C5: variants seen among roughly 807,000 people sequenced by gnomAD.
C5 encodes C3 and PZP-like alpha-2-macroglobulin domain-containing protein 4.
Under a neutral mutation model 218.8 loss-of-function variants are expected in C5, and 140 were observed. The ratio of observed to expected loss-of-function variants is 0.64; its 90% CI spans 0.56 to 0.74. The LOEUF (loss-of-function observed/expected upper bound fraction) is 0.74. Ranked by LOEUF, C5 falls within the 30% of genes least tolerant of loss-of-function variation. C5 has a pLI of 0.00. For synonymous variants in C5, 614 were observed against 682.3 expected (o/e 0.90, Z 1.56); for missense variants, 1,700 against 1,969.6 (o/e 0.86, Z 2.59).
At chr9:121,015,296 TA>T (rs1472667122) in intron 15 of C5, 35 bp from the exon 16 acceptor site, 1 of 1,406,828 alleles carries the variant, frequency 7.1e-7, no homozygotes, top group Non-Finnish European at 1.0e-6. Flanking sequence ...GAAGAAGGAT[TA>T]AAAAGGAGAT....
chr9:121,042,690 A>G (rs2047591359), intron 3 of C5, among the ~76,000 whole-genome samples: 1 of 152,238 alleles, frequency 6.6e-6, no homozygotes, highest in African/African-American at 2.4e-5. Context: ...TTTTTGTAAC[A>G]ACATAACATT....
At chr9:121,031,221 A>T (rs2047471417) in intron 6 of C5, among the ~76,000 whole-genome samples, 1 of 150,966 alleles carries the variant, frequency 6.6e-6, no homozygotes, top group South Asian at 2.1e-4. Flanking sequence ...AAATGCTAGT[A>T]AACTACTATA....
intron 22 of C5, among the ~76,000 whole-genome samples, chr9:120,994,343 G>A (rs541463168): frequency 6.6e-6 from 1 of 152,226 alleles, no homozygotes; most frequent in East Asian, 1.9e-4. Flanking sequence ...AGCATTTTGG[G>A]AGTCCAAGGC....
chr9:121,015,291 A>C, intron 15 of C5, 30 bp from the exon 16 acceptor site: 4 of 1,414,362 alleles, frequency 2.8e-6, no homozygotes, highest in Admixed American at 3.4e-5. Flanking sequence ...ATAAAGAAGA[A>C]GGATTAAAAA....
chr9:120,956,209 A>G (rs2046783560), intron 39 of C5, among the ~76,000 whole-genome samples: 1 of 152,050 alleles, frequency 6.6e-6, no homozygotes, highest in Admixed American at 6.6e-5. Flanking sequence ...CAGGAGAATC[A>G]CTTGAACCTG....
Position 121,026,218 on chromosome 9 carries a change from C to T in C5, c.874-638G>A, listed in dbSNP as rs530677411. On this transcript the variant is annotated intron_variant, in intron 8 of 40. Coordinates refer to ENST00000223642, the MANE Select transcript of C5 (RefSeq NM_001735.3). ...AGGATAAATGATTGATGATGCAAAC[C>T]AAATGAATACGAAAAAGTGAGCAAA... Among the ~76,000 whole-genome samples the T allele has an allele frequency of 2.6e-5, 4 of 152,102 alleles. No individual in the cohort carries two copies. The East Asian group carries it at 7.7e-4, about 29-fold the overall frequency.
chr9:120,979,947 C>T (rs1022774075), intron 28 of C5, 136 bp downstream of exon 28: 1 of 730,690 alleles, frequency 1.4e-6, no homozygotes, highest in East Asian at 2.6e-5. Flanking sequence ...CACATTACAT[C>T]GTATTGTGAC....
At chr9:121,050,082 G>T in intron 1 of C5, 100 bp downstream of exon 1, 1 of 961,914 alleles carries the variant, frequency 1.0e-6, no homozygotes, top group Non-Finnish European at 1.7e-6. Flanking sequence ...GTTCTCAGAA[G>T]TAGCAAGTTA....
At chr9:121,074,083 T>C in the C5 span, among the ~76,000 whole-genome samples, 7 of 152,224 alleles carry the variant, frequency 4.6e-5, no homozygotes, top group African/African-American at 1.7e-4. Flanking sequence ...GCTGCTAAGA[T>C]GATAGGATTA....
the C5 span, among the ~76,000 whole-genome samples, chr9:121,073,048 G>A: frequency 6.6e-6 from 1 of 152,096 alleles, no homozygotes; most frequent in Non-Finnish European, 1.5e-5. Flanking sequence ...CATGTTTATT[G>A]CAGCTTATTC....
chr9:121,012,436 C>T (rs562755072), intron 17 of C5, among the ~76,000 whole-genome samples: 1 of 152,228 alleles, frequency 6.6e-6, no homozygotes, highest in Admixed American at 6.5e-5. Flanking sequence ...ATTGCTTGAA[C>T]CCGGGAGGCG....
intron 22 of C5, among the ~76,000 whole-genome samples, chr9:120,992,128 G>T (rs1483612496): frequency 6.6e-6 from 1 of 152,170 alleles, no homozygotes; most frequent in African/African-American, 2.4e-5. Flanking sequence ...TGTAGTCCTG[G>T]CACTTAGCAC....
chr9:120,976,671 G>T, intron 29 of C5, 29 bp downstream of exon 29: 1 of 1,567,870 alleles, frequency 6.4e-7, no homozygotes, highest in South Asian at 1.1e-5. Flanking sequence ...ATGTCTACAG[G>T]GAGATGAAAC....
chr9:120,977,773 T>C (rs2046964271), intron 28 of C5, among the ~76,000 whole-genome samples: 1 of 152,228 alleles, frequency 6.6e-6, no homozygotes, highest in East Asian at 1.9e-4. Context: ...AGGGGCAGTT[T>C]AGTAGAGTCG....
chr9:121,002,021 C>T (rs1297377535), intron 20 of C5, among the ~76,000 whole-genome samples: 6 of 151,226 alleles, frequency 4.0e-5, no homozygotes, highest in African/African-American at 1.5e-4. Context: ...ATGTGAATTA[C>T]TGTGCAGCCA....
Position 121,025,503 on chromosome 9 carries a change from A to G in C5, c.951T>C (p.Asp317=), listed in dbSNP as rs1227310258. ...VKELSYYSLE[D]LNNKYLYIAV... is the part of the protein sequence containing the mutation. ...CAATATAAAGGTACTTGTTGTTTAA[A>G]TCTTCTAAACTGTAGTATGACAGTT... is the stretch of plus-strand genomic sequence containing the variant. Residue 317 remains aspartate, a synonymous_variant, in exon 9 of 41, where the codon GAT becomes GAC. Coordinates refer to ENST00000223642, the MANE Select transcript of C5 (RefSeq NM_001735.3). 1.2e-6 allele frequency: 2 copies of G among 1,612,556 alleles called. No individual in the cohort carries two copies. Among genetic ancestry groups the G allele is most frequent in the African/African-American group, 1.3e-5 (1 of 74,796 alleles).
intron 2 of C5, among the ~76,000 whole-genome samples, chr9:121,044,491 A>AACG (rs2047609053): frequency 6.6e-6 from 1 of 152,144 alleles, no homozygotes; most frequent in East Asian, 1.9e-4. Flanking sequence ...CAACAACAAC[A>AACG]ACAACAAAAA....
chr9:120,998,072 G>A (rs1168015040), intron 20 of C5, among the ~76,000 whole-genome samples: 2 of 152,068 alleles, frequency 1.3e-5, no homozygotes, highest in African/African-American at 4.8e-5. Context: ...CAAAGTACTG[G>A]AATTACAGGC....
chr9:121,023,257 G>A (rs948400916), intron 10 of C5, 147 bp downstream of exon 10: 46 of 711,540 alleles, frequency 6.5e-5, no homozygotes, highest in Non-Finnish European at 8.3e-5. Context: ...ATCCCTGTCT[G>A]TGTCCACCAG....
Sources: allele counts gnomAD v4.1 joint callset (sites outside exome capture counted in the v4.1 genomes callset), GRCh38; gene constraint gnomAD v4.1.1; transcripts MANE v1.5; gene names NCBI Gene and HGNC (gene_info 2026-07-23, HGNC 2026-07-21).